Variants in MAP3K13 observed in about 807,000 individuals in gnomAD.
The protein encoded by MAP3K13 is mitogen-activated protein kinase kinase kinase 13, also known as leucine zipper-bearing kinase.
Under a neutral mutation model 104.0 loss-of-function variants are expected in MAP3K13, and 52 were observed. That is an observed-to-expected ratio of 0.50 (90% CI 0.40 to 0.63). The LOEUF (loss-of-function observed/expected upper bound fraction) is 0.63. Ranked by LOEUF, MAP3K13 falls within the 20% of genes least tolerant of loss-of-function variation. The pLI, the probability that MAP3K13 is intolerant of heterozygous loss-of-function variation, is 0.00. For synonymous variants in MAP3K13, 394 were observed against 442.2 expected (o/e 0.89, Z 1.37); for missense variants, 914 against 1,218.5 (o/e 0.75, Z 3.72).
Position 185,454,430 on chromosome 3 carries a change from GAT to G in MAP3K13, c.1278+3042_1278+3043del, listed in dbSNP as rs1491348912. Among the ~76,000 whole-genome samples the G allele has an allele frequency of 3.1e-4, 4 of 12,786 alleles. 2 individuals are homozygous for G. The highest frequency in any genetic ancestry group is 2.6e-4 in the African/African-American group (2 of 7,722). The allele number at this position is 12,786 out of a possible 152,430, so 8.4% of individuals were successfully genotyped here. ...TATATGAGATATATGAGATATATAT[GAT>G]ATATATGAGATATATATATGAGATA... is the stretch of plus-strand genomic sequence containing the variant. On this transcript the variant is annotated intron_variant, in intron 7 of 13. Coordinates refer to ENST00000265026, the MANE Select transcript of MAP3K13 (RefSeq NM_004721.5).
chr3:185,469,691 A>G (rs1471384508), intron 10 of MAP3K13, among the ~76,000 whole-genome samples: 1 of 152,200 alleles, frequency 6.6e-6, no homozygotes, highest in African/African-American at 2.4e-5. Context: ...GTGGCTGTTC[A>G]ATGTGTGGCC....
chr3:185,350,892 G>A (rs542656370), intron 2 of MAP3K13, among the ~76,000 whole-genome samples: 10 of 152,184 alleles, frequency 6.6e-5, no homozygotes, highest in East Asian at 3.9e-4. Flanking sequence ...AAAATAAATC[G>A]TTCTTTCCTA....
At chr3:185,476,418 A>T (rs1017607890) in intron 11 of MAP3K13, 5 of 151,974 alleles carry the variant, frequency 3.3e-5, no homozygotes, top group Admixed American at 6.6e-5. Flanking sequence ...GATATTTTAG[A>T]ACTGACTTTT....
intron 1 of MAP3K13, among the ~76,000 whole-genome samples, chr3:185,369,054 A>G (rs1045313803): frequency 6.6e-6 from 1 of 152,110 alleles, no homozygotes; most frequent in African/African-American, 2.4e-5. Flanking sequence ...AGCATTTACT[A>G]TGAGTTCTAA....
At chr3:185,366,515 T>C (rs1249685879) in intron 1 of MAP3K13, among the ~76,000 whole-genome samples, 1 of 152,204 alleles carries the variant, frequency 6.6e-6, no homozygotes, top group Non-Finnish European at 1.5e-5. Flanking sequence ...GATGCCAAAT[T>C]GTTTTCCAAA....
In MAP3K13 at chr3:185,363,241, G is replaced by C. The variant is rs1330872818; in HGVS notation, c.-213G>C. 2.0e-5 allele frequency: 20 copies of C among 985,198 alleles called. No homozygotes were observed. The highest frequency in any genetic ancestry group is 5.2e-4 in the Middle Eastern group (1 of 1,936). The allele number at this position is 985,198 out of a possible 1,614,324, so 61.0% of individuals were successfully genotyped here. A position where few individuals can be genotyped will look rare whatever the true frequency, so the allele number is the denominator to read the frequency against. The stretch of plus-strand genomic sequence containing the variant: ...AAGCCTTTGGGCTCCTTTGCGGTGG[G>C]CTGGAGGATTGTGTGGGTGGAATCC... On this transcript the variant is annotated 5_prime_UTR_variant, in exon 1 of 14. Transcript: ENST00000265026.
At chr3:185,316,910 A>G (rs182465920) in intron 2 of MAP3K13, among the ~76,000 whole-genome samples, 53 of 152,312 alleles carry the variant, frequency 3.5e-4, no homozygotes, top group Admixed American at 5.9e-4. Flanking sequence ...ATTTGATCCT[A>G]TAATTATTAT....
chr3:185,337,880 C>G (rs548030045), intron 2 of MAP3K13, among the ~76,000 whole-genome samples: 7 of 152,130 alleles, frequency 4.6e-5, no homozygotes, highest in African/African-American at 1.7e-4. Flanking sequence ...ATTTTCCTCA[C>G]TAAAACTCCC....
intron 7 of MAP3K13, among the ~76,000 whole-genome samples, chr3:185,458,744 C>T (rs1716917630): frequency 6.6e-6 from 1 of 152,230 alleles, no homozygotes; most frequent in South Asian, 2.1e-4. Context: ...CCACTTTCCA[C>T]CAAAACTTCG....
intron 1 of MAP3K13, among the ~76,000 whole-genome samples, chr3:185,415,310 G>T (rs1713684589): frequency 6.7e-6 from 1 of 149,760 alleles, no homozygotes; most frequent in African/African-American, 2.5e-5. Context: ...GTGCCACCAT[G>T]CCTAGCTAAT....
chr3:185,285,514 TAG>T lies in MAP3K13; in HGVS notation c.-204-10_-204-9del, dbSNP rs149626195. ...TGTACATTGACATTCTTGAGGTTTTTAGTTTTGCAGAACACTGAAATCTATGG... is the reference window on the plus strand; with the variant it reads ...TGTACATTGACATTCTTGAGGTTTTTTTTTGCAGAACACTGAAATCTATGG... On this transcript the variant is annotated splice_polypyrimidine_tract_variant and intron_variant, in intron 1 of 14. Coordinates refer to the MAP3K13 transcript ENST00000424227. The T allele has an allele frequency of 3.2e-3, 3,160 of 1,000,228 alleles. 66 individuals carry two copies. The African/African-American group carries it at 0.045, about 14-fold the overall frequency. 62.0% of individuals were successfully genotyped at this position (1,000,228 alleles called of 1,614,324 possible).
chr3:185,363,124 C>CT (rs140714262), upstream of MAP3K13: 8,577 of 707,356 alleles, frequency 0.012, 51 homozygotes, highest in African/African-American at 0.052. Flanking sequence ...ACCCGCCCCT[C>CT]TTTTTTTTTT....
chr3:185,455,140 T>G lies in MAP3K13; in HGVS notation c.1278+3745T>G, dbSNP rs866048505. Among the ~76,000 whole-genome samples the G allele has an allele frequency of 3.0e-3, 310 of 103,834 alleles. 2 individuals are homozygous for G. The highest frequency in any genetic ancestry group is 9.0e-3 in the African/African-American group (264 of 29,462). 68.1% of individuals were successfully genotyped at this position (103,834 alleles called of 152,430 possible). A position where few individuals can be genotyped will look rare whatever the true frequency, so the allele number is the denominator to read the frequency against. The stretch of plus-strand genomic sequence containing the variant: ...AGATATATGTGAGATATATATATGA[T>G]ATATATGTGAGATATATATGATATA... On this transcript the variant is annotated intron_variant, in intron 7 of 13. Transcript: ENST00000265026.
At chr3:185,365,888 TCCCCTCCCCTCCC>T (rs1723858415) in intron 1 of MAP3K13, among the ~76,000 whole-genome samples, 1 of 20,028 alleles carries the variant, frequency 5.0e-5, no homozygotes, top group African/African-American at 2.2e-4. Flanking sequence ...TCCCCTCCCC[TCCCCTCCCCTCCC>T]CTCCCCTCTC....
At chr3:185,372,639 C>T (rs1425162264) in intron 1 of MAP3K13, among the ~76,000 whole-genome samples, 1 of 152,146 alleles carries the variant, frequency 6.6e-6, no homozygotes, top group Non-Finnish European at 1.5e-5. Flanking sequence ...TTAACTGAAT[C>T]TTAGACCTTT....
intron 7 of MAP3K13, among the ~76,000 whole-genome samples, chr3:185,460,556 G>A (rs2148912546): frequency 6.6e-6 from 1 of 152,286 alleles, no homozygotes. Flanking sequence ...CTGTGGGCTT[G>A]CCCATCCTCC....
chr3:185,424,645 A>G (rs1357337115), intron 1 of MAP3K13, among the ~76,000 whole-genome samples: 1 of 152,236 alleles, frequency 6.6e-6, no homozygotes. Flanking sequence ...AGCAAACACT[A>G]CAAACCAGAT....
chr3:185,360,048 C>G (rs1317910802), upstream of MAP3K13, among the ~76,000 whole-genome samples: 2 of 151,506 alleles, frequency 1.3e-5, no homozygotes, highest in African/African-American at 4.8e-5. Context: ...TAAATATCTT[C>G]TTGCATAATG....
rs561878426 is a variant in MAP3K13, at chr3:185,377,337, G to A, written c.-86+13969G>A. Among the ~76,000 whole-genome samples the A allele has an allele frequency of 9.2e-5, 14 of 152,228 alleles. No homozygotes were observed. The South Asian group carries it at 2.9e-3, about 32-fold the overall frequency. ...GATTAGGTTTTAATGGGATGGTAAG[G>A]GGTGCATGATCGGTCACCAAGGAGG... is the stretch of plus-strand genomic sequence containing the variant. On this transcript the variant is annotated intron_variant, in intron 1 of 13. Transcript: ENST00000265026.
Sources: gnomAD v4.1 joint callset for allele counts (sites outside exome capture counted in the v4.1 genomes callset) on GRCh38, gnomAD v4.1.1 for gene constraint, MANE v1.5 for transcripts, NCBI Gene and HGNC (gene_info 2026-07-23, HGNC 2026-07-21) for gene names.